Variants in LINGO2 observed in about 807,000 individuals in gnomAD.
LINGO2 encodes the protein leucine rich repeat and Ig domain containing 2.
A neutral mutation model predicts 30.6 loss-of-function variants in LINGO2; 14 were observed. The observed-to-expected ratio is 0.46, with a 90% CI of 0.30 to 0.72. The LOEUF (loss-of-function observed/expected upper bound fraction) is 0.72, where lower values mean the gene tolerates loss of function less well. LINGO2 is among the 30% of genes least tolerant of loss of function. LINGO2 has a pLI of 0.07. For missense variants in LINGO2, 729 were observed against 751.7 expected, an observed-to-expected ratio of 0.97 and a Z score of 0.35; for synonymous variants, 317 against 288.5, an observed-to-expected ratio of 1.10 and a Z score of -1.00.
At chr9:28,099,726 G>T (rs1242077980) in intron 4 of LINGO2, among the ~76,000 whole-genome samples, 1 of 152,134 alleles carries the variant, frequency 6.6e-6, no homozygotes, top group Non-Finnish European at 1.5e-5. Context: ...CTATCCTCAT[G>T]AAATATTGAT....
intron 3 of LINGO2, among the ~76,000 whole-genome samples, chr9:28,360,574 G>A (rs1373608347): frequency 6.6e-6 from 1 of 152,056 alleles, no homozygotes; most frequent in East Asian, 1.9e-4. Context: ...CAAGATTTTT[G>A]AAGGCACTGA....
the LINGO2 span, among the ~76,000 whole-genome samples, chr9:28,793,394 C>G: frequency 6.6e-6 from 1 of 152,176 alleles, no homozygotes; most frequent in African/African-American, 2.4e-5. Context: ...CCATAGTCTG[C>G]GCAATCTGTC....
chr9:28,485,179 C>A (rs924263434), intron 1 of LINGO2, among the ~76,000 whole-genome samples: 4 of 151,952 alleles, frequency 2.6e-5, no homozygotes, highest in Non-Finnish European at 2.9e-5. Context: ...ACAATTTGAC[C>A]CAAATTTAAA....
chr9:28,726,873 A>G, the LINGO2 span, among the ~76,000 whole-genome samples: 1 of 152,128 alleles, frequency 6.6e-6, no homozygotes, highest in African/African-American at 2.4e-5. Context: ...ACGCTGATGT[A>G]TACCCTTTTC....
chr9:28,160,558 C>A (rs920028298), intron 4 of LINGO2, among the ~76,000 whole-genome samples: 1 of 152,160 alleles, frequency 6.6e-6, no homozygotes, highest in African/African-American at 2.4e-5. Flanking sequence ...TCTGTCCTTT[C>A]TGTTCCCCTC....
At chr9:29,040,088 T>C in the LINGO2 span, among the ~76,000 whole-genome samples, 2 of 152,154 alleles carry the variant, frequency 1.3e-5, no homozygotes, top group African/African-American at 4.8e-5. Flanking sequence ...ACATTATTTG[T>C]TCCCTAATTC....
At chr9:28,619,111 T>A (rs1826276449) in intron 1 of LINGO2, among the ~76,000 whole-genome samples, 1 of 152,112 alleles carries the variant, frequency 6.6e-6, no homozygotes, top group Admixed American at 6.6e-5. Flanking sequence ...TTCTAAGGAC[T>A]TTTTTCCAGT....
At chr9:28,003,443 T>C (rs2119167480) in intron 5 of LINGO2, among the ~76,000 whole-genome samples, 1 of 152,012 alleles carries the variant, frequency 6.6e-6, no homozygotes, top group African/African-American at 2.4e-5. Flanking sequence ...ATTAGAGGTG[T>C]TTTGGGTCTT....
intron 3 of LINGO2, 28 bp from the exon 6 acceptor site, chr9:28,295,394 T>G (rs796766093): frequency 6.5e-5 from 10 of 152,690 alleles, no homozygotes; most frequent in African/African-American, 2.4e-4. Flanking sequence ...TTTCTCCATT[T>G]TAATTGAAAA....
chr9:28,246,864 G>T (rs948076623), intron 4 of LINGO2, among the ~76,000 whole-genome samples: 1 of 152,126 alleles, frequency 6.6e-6, no homozygotes, highest in Non-Finnish European at 1.5e-5. Flanking sequence ...TTTGACAAAG[G>T]TCTAATATAC....
At chr9:28,277,131 G>A (rs900076172) in intron 4 of LINGO2, among the ~76,000 whole-genome samples, 1 of 152,100 alleles carries the variant, frequency 6.6e-6, no homozygotes, top group Non-Finnish European at 1.5e-5. Context: ...TATTGAGCAA[G>A]TTTATTGGTG....
chr9:29,009,224 G>T, the LINGO2 span, among the ~76,000 whole-genome samples: 1 of 152,248 alleles, frequency 6.6e-6, no homozygotes, highest in African/African-American at 2.4e-5. Flanking sequence ...TATTCAGTTA[G>T]AAAAAGAGGA....
intron 4 of LINGO2, among the ~76,000 whole-genome samples, chr9:28,099,870 C>T (rs984297526): frequency 1.3e-5 from 2 of 152,060 alleles, no homozygotes; most frequent in East Asian, 1.9e-4. Flanking sequence ...CAACTCAGAC[C>T]CTTTACTAAT....
the LINGO2 span, among the ~76,000 whole-genome samples, chr9:28,686,572 A>C: frequency 2.6e-5 from 4 of 152,022 alleles, no homozygotes; most frequent in African/African-American, 9.7e-5. Context: ...AACTACGTAG[A>C]TATATAAATG....
At chr9:28,226,366 T>C (rs1821143103) in intron 4 of LINGO2, among the ~76,000 whole-genome samples, 1 of 152,072 alleles carries the variant, frequency 6.6e-6, no homozygotes. Context: ...CTACTTCTGG[T>C]AGAGTAGAAA....
chr9:28,486,786 G>A (rs1826183634), intron 1 of LINGO2, among the ~76,000 whole-genome samples: 1 of 151,802 alleles, frequency 6.6e-6, no homozygotes, highest in South Asian at 2.1e-4. Context: ...CCACAAAATG[G>A]AATTTTAAAA....
At chr9:28,915,317 TTTGA>T in the LINGO2 span, among the ~76,000 whole-genome samples, 1 of 152,144 alleles carries the variant, frequency 6.6e-6, no homozygotes, top group Non-Finnish European at 1.5e-5. Context: ...GGTTCTCAAA[TTTGA>T]TTGTTCATTT....
At chr9:28,140,258 A>T (rs1827634991) in intron 4 of LINGO2, among the ~76,000 whole-genome samples, 1 of 152,202 alleles carries the variant, frequency 6.6e-6, no homozygotes, top group Non-Finnish European at 1.5e-5. Context: ...TGGCAACTAG[A>T]AACATCTTTC....
intron 1 of LINGO2, among the ~76,000 whole-genome samples, chr9:28,632,041 T>C (rs1207870047): frequency 6.6e-6 from 1 of 152,112 alleles, no homozygotes; most frequent in Non-Finnish European, 1.5e-5. Flanking sequence ...ACATCCAGTG[T>C]TGCAGGAGGG....
Sources: gnomAD v4.1 joint callset for allele counts (sites outside exome capture counted in the v4.1 genomes callset) on GRCh38, gnomAD v4.1.1 for gene constraint, MANE v1.5 for transcripts, NCBI Gene and HGNC (gene_info 2026-07-23, HGNC 2026-07-21) for gene names.